Variants in GART observed in about 807,000 individuals in gnomAD.
GART encodes the protein trifunctional purine biosynthetic protein adenosine-3.
A neutral mutation model predicts 107.2 loss-of-function variants in GART; 43 were observed. That is an observed-to-expected ratio of 0.40 (90% CI 0.31 to 0.52). The LOEUF (loss-of-function observed/expected upper bound fraction) is 0.52. Ranked by LOEUF, GART falls within the 20% of genes least tolerant of loss-of-function variation. GART has a pLI of 0.52. For missense variants in GART, 1,107 were observed against 1,206.5 expected, an observed-to-expected ratio of 0.92 and a Z score of 1.22; for synonymous variants, 434 against 427.0, an observed-to-expected ratio of 1.02 and a Z score of -0.20.
Position 33,506,039 on chromosome 21 carries a change from C to T in GART, c.2518G>A (p.Val840Ile), listed in dbSNP as rs2084673287. ...GCTACTGCGGCTTTGTTGGAGATAA[C>T]AATATCAATTTGTGCAGAGCTATTT... ...EPNSSAQIDI[V>I]ISNKAAVAGL... Residue 840 changes from valine (V) to isoleucine (I), a missense_variant, in exon 19 of 22, where the codon GTT (valine) becomes ATT (isoleucine). Val to Ile is a conservative substitution (Grantham distance 29). Transcript: ENST00000381815. 8 of 1,614,034 alleles carry T rather than the reference C, an allele frequency of 5.0e-6. No homozygotes were observed. In the East Asian group the frequency reaches 6.7e-5, roughly 13 times the overall value.
chr21:33,526,929 T>C (rs2085084841), intron 10 of GART, among the ~76,000 whole-genome samples: 1 of 152,364 alleles, frequency 6.6e-6, no homozygotes, highest in South Asian at 2.1e-4. Flanking sequence ...TTTGTTAATA[T>C]ACATCTTCCC....
chr21:33,516,774 T>C (rs1023669226), intron 16 of GART, among the ~76,000 whole-genome samples: 1 of 152,216 alleles, frequency 6.6e-6, no homozygotes, highest in Non-Finnish European at 1.5e-5. Flanking sequence ...CAACTTTATG[T>C]AAGCCAATTA....
chr21:33,517,136 A>T lies in GART; in HGVS notation c.1960T>A (p.Leu654Ile). The T allele has an allele frequency of 6.2e-7, 1 of 1,604,396 alleles. No homozygotes were observed. The highest frequency in any genetic ancestry group is 8.5e-7 in the Non-Finnish European group (1 of 1,177,494). ...DGCGDQTLGD[L>I]LLTPTRIYSH... ...TAGATTCTGGTAGGCGTGAGAAGTA[A>T]GTCCCCTGCATGTTGAAGAGAGAAG... Residue 654 changes from leucine to isoleucine, a missense_variant, in exon 16 of 22, where the codon TTA (leucine) becomes ATA (isoleucine). Transcript: ENST00000381815.
chr21:33,542,863 G>C (rs2085480697), upstream of GART: 4 of 587,694 alleles, frequency 6.8e-6, no homozygotes, highest in Admixed American at 6.0e-5. Context: ...GGCGGACATA[G>C]TCGTGCGCGG....
chr21:33,535,805 A>C (rs1054663277), intron 2 of GART, among the ~76,000 whole-genome samples: 2 of 152,162 alleles, frequency 1.3e-5, no homozygotes, highest in Non-Finnish European at 2.9e-5. Flanking sequence ...AGGTGGGTGG[A>C]TCACCTAAGG....
chr21:33,538,901 C>T (rs2085353958), intron 2 of GART, among the ~76,000 whole-genome samples: 1 of 152,136 alleles, frequency 6.6e-6, no homozygotes, highest in Admixed American at 6.5e-5. Context: ...CTGCCTCAGC[C>T]TCCCGAGTAG....
At chr21:33,529,193 T>C (rs960997607) in intron 7 of GART, among the ~76,000 whole-genome samples, 13 of 152,178 alleles carry the variant, frequency 8.5e-5, no homozygotes, top group South Asian at 2.1e-4. Flanking sequence ...CGAAACGTAA[T>C]AGAAATGAAA....
At chr21:33,522,675 A>C (rs1203092709) in intron 11 of GART, among the ~76,000 whole-genome samples, 1 of 152,222 alleles carries the variant, frequency 6.6e-6, no homozygotes, top group Non-Finnish European at 1.5e-5. Flanking sequence ...TGAACAGTTC[A>C]ATAGTATTGA....
Position 33,520,472 on chromosome 21 carries a change from G to T in GART, c.1594C>A (p.Leu532Ile). The change falls in exon 14 of 22, where the codon CTC becomes ATC. Residue 532 changes from leucine to isoleucine, a missense_variant. Coordinates refer to ENST00000381815, the MANE Select transcript of GART (RefSeq NM_000819.5). ...NDILAQGAEP[L>I]FFLDYFSCGK... ...CAGGAAAAGTAATCAAGGAAGAAGA[G>T]GGGCTCTGCTCCTTGTGCCAGAATA... The T allele has an allele frequency of 6.2e-7, 1 of 1,614,098 alleles. No homozygotes were observed. The highest frequency in any genetic ancestry group is 8.5e-7 in the Non-Finnish European group (1 of 1,179,958).
intron 17 of GART, chr21:33,510,123 C>T (rs2084758321): frequency 1.9e-6 from 1 of 536,676 alleles, no homozygotes; most frequent in Admixed American, 3.3e-5. Flanking sequence ...TATGTAATTA[C>T]TTCAACTAAA....
intron 21 of GART, 27 bp downstream of exon 21, chr21:33,504,385 T>C: frequency 1.2e-6 from 2 of 1,608,874 alleles, no homozygotes; most frequent in Non-Finnish European, 1.7e-6. Context: ...CTACTAATAT[T>C]ATGTTGGTAG....
intron 17 of GART, 149 bp from the exon 18 acceptor site, chr21:33,510,069 T>C (rs1256747633): frequency 1.5e-6 from 1 of 681,844 alleles, no homozygotes; most frequent in East Asian, 2.7e-5. Flanking sequence ...CACATTTGTA[T>C]CACTTAACAC....
intron 6 of GART, 89 bp downstream of exon 6, chr21:33,531,400 A>C (rs1406944373): frequency 8.9e-7 from 1 of 1,118,180 alleles, no homozygotes; most frequent in Non-Finnish European, 1.3e-6. Context: ...AGATGAAGCA[A>C]CCAGAGTATA....
chr21:33,517,057 T>C lies in GART; in HGVS notation c.2039A>G (p.His680Arg), dbSNP rs1036203373. 14 of 1,613,778 alleles carry C rather than the reference T, an allele frequency of 8.7e-6. No homozygotes were observed. The highest frequency in any genetic ancestry group is 2.2e-5 in the East Asian group (1 of 44,876). The change falls in exon 16 of 22, where the codon CAT (histidine) becomes CGT (arginine). Residue 680 changes from histidine (H) to arginine (R), a missense_variant. Coordinates refer to ENST00000381815, the MANE Select transcript of GART (RefSeq NM_000819.5). ...LRSGHVKAFA[H>R]ITGGGLLENI... ...CTCTAGTAATCCTCCACCAGTAATA[T>C]GGGCAAAGGCTTTGACATGTCCTGA...
intron 11 of GART, chr21:33,524,259 T>C (rs1336349401): frequency 8.1e-6 from 8 of 985,622 alleles, no homozygotes; most frequent in Non-Finnish European, 9.6e-6. Flanking sequence ...GGAATAAAAA[T>C]CAGTATCAGG....
intron 18 of GART, among the ~76,000 whole-genome samples, chr21:33,507,002 G>C (rs2084693714): frequency 6.6e-6 from 1 of 151,974 alleles, no homozygotes. Context: ...CAGTTTGAAG[G>C]GTCCTCAAAA....
chr21:33,524,893 T>G lies in GART; in HGVS notation c.1174A>C (p.Ile392Leu). The G allele has an allele frequency of 1.9e-6, 3 of 1,614,204 alleles. No homozygotes were observed. Among genetic ancestry groups the G allele is most frequent in the Non-Finnish European group, 1.7e-6 (2 of 1,180,022 alleles). ...AGGGCTGATATGAGATTTTCCCGGA[T>G]GGCTGTGACTGCAAGAACTCTACCC... ...HGGRVLAVTA[I>L]RENLISALEE... The change falls in exon 11 of 22, where the codon ATC becomes CTC. Residue 392 changes from isoleucine (I) to leucine (L), a missense_variant. Ile to Leu is a conservative substitution (Grantham distance 5). Coordinates refer to ENST00000381815, the MANE Select transcript of GART (RefSeq NM_000819.5).
At chr21:33,531,664 T>C in intron 5 of GART, 107 bp from the exon 6 acceptor site, 2 of 955,572 alleles carry the variant, frequency 2.1e-6, no homozygotes, top group Admixed American at 2.5e-5. Flanking sequence ...TATGAACCAG[T>C]GAGTACTGTA....
chr21:33,509,894 G>C lies in GART; in HGVS notation c.2341C>G (p.Leu781Val), dbSNP rs758657392. The C allele has an allele frequency of 5.0e-6, 8 of 1,612,882 alleles. No individual in the cohort carries two copies. Among genetic ancestry groups the C allele is most frequent in the Non-Finnish European group, 6.8e-6 (8 of 1,179,534 alleles). Residue 781 changes from leucine (L) to valine (V), a missense_variant, in exon 18 of 22, where the codon CTG (leucine) becomes GTG (valine). Transcript: ENST00000381815. ...CCATTTATTTGCATGCTTTCAATCAGATTCTTGACTTTCACACGTGGGGAA... is the reference window on the plus strand; with the variant it reads ...CCATTTATTTGCATGCTTTCAATCACATTCTTGACTTTCACACGTGGGGAA... ...EGSPRVKVKN[L>V]IESMQINGSV...
Sources: allele counts gnomAD v4.1 joint callset (sites outside exome capture counted in the v4.1 genomes callset), GRCh38; gene constraint gnomAD v4.1.1; transcripts MANE v1.5; gene names NCBI Gene and HGNC (gene_info 2026-07-23, HGNC 2026-07-21).